GLYATL2: variants seen among roughly 807,000 people sequenced by gnomAD.
GLYATL2 encodes the protein glycine-N-acyltransferase like 2.
In GLYATL2, 25 loss-of-function variants were observed where a neutral mutation model predicts 21.4. That is an observed-to-expected ratio of 1.17 (90% CI 0.85 to 1.63). GLYATL2 has a LOEUF of 1.63. Among genes scored for constraint, GLYATL2 ranks in the 40% most tolerant of loss-of-function variants. The pLI, the probability that GLYATL2 is intolerant of heterozygous loss-of-function variation, is 0.00. For missense variants in GLYATL2, 361 were observed against 343.3 expected (o/e 1.05, Z -0.41); for synonymous variants, 114 against 118.2 (o/e 0.96, Z 0.23).
chr11:58,878,807 G>T (rs1224617685), intron 1 of GLYATL2, among the ~76,000 whole-genome samples: 1 of 152,202 alleles, frequency 6.6e-6, no homozygotes, highest in Non-Finnish European at 1.5e-5. Context: ...AGGCAGTGAA[G>T]TCTTACAGAA....
chr11:58,874,638 A>T (rs1854192117), intron 1 of GLYATL2, among the ~76,000 whole-genome samples: 1 of 152,184 alleles, frequency 6.6e-6, no homozygotes, highest in African/African-American at 2.4e-5. Context: ...GTTTGATTGC[A>T]CTGTGGTCTG....
intron 1 of GLYATL2, among the ~76,000 whole-genome samples, chr11:58,880,058 C>T (rs1246845636): frequency 2.0e-5 from 3 of 152,050 alleles, no homozygotes; most frequent in Admixed American, 1.3e-4. Flanking sequence ...CGGGGTTTCA[C>T]CATGTTAGCC....
At chr11:58,866,751 A>C (rs1286585476) in intron 1 of GLYATL2, among the ~76,000 whole-genome samples, 1 of 149,290 alleles carries the variant, frequency 6.7e-6, no homozygotes, top group African/African-American at 2.4e-5. Flanking sequence ...GAAGAGGTGC[A>C]CAGGCATCTA....
chr11:58,869,640 A>C (rs1451841115), intron 1 of GLYATL2, among the ~76,000 whole-genome samples: 1 of 152,196 alleles, frequency 6.6e-6, no homozygotes, highest in Non-Finnish European at 1.5e-5. Flanking sequence ...GTGTTACCTT[A>C]TATGTTGTGA....
rs1258972635 is a variant in GLYATL2, at chr11:58,840,848, A to AATAAAATAAAATAAAAT, written c.-40-1213_-40-1197dup. On this transcript the variant is annotated intron_variant, in intron 1 of 5. Transcript: ENST00000287275. ...TGTGAGACTCTATCTCAAAAAATAA[A>AATAAAATAAAATAAAAT]ATAAAATAAAATAAAATAAAATAAA... 2.8e-5 allele frequency: 4 copies of AATAAAATAAAATAAAAT among 141,874 alleles called. No individual in the cohort carries two copies. In the East Asian group the frequency reaches 8.8e-4, roughly 31 times the overall value. The allele number at this position is 141,874 out of a possible 1,614,324, so 8.8% of individuals were successfully genotyped here. A position where few individuals can be genotyped will look rare whatever the true frequency, so the allele number is the denominator to read the frequency against.
chr11:58,909,245 G>A, the GLYATL2 span, among the ~76,000 whole-genome samples: 2 of 152,150 alleles, frequency 1.3e-5, no homozygotes, highest in Non-Finnish European at 2.9e-5. Flanking sequence ...TGGGAAGAGA[G>A]GAAAACAGAG....
chr11:58,834,239 T>A lies in GLYATL2; in HGVS notation c.*190A>T, dbSNP rs185933179. On this transcript the variant is annotated 3_prime_UTR_variant, in exon 6 of 6. Coordinates refer to ENST00000287275, the MANE Select transcript of GLYATL2 (RefSeq NM_145016.4). The stretch of plus-strand genomic sequence containing the variant: ...TGTCATAAAGGAAATTATGAGACCA[T>A]AAAATTGAGCTTCTAATTTTCTGTA... 2.3e-6 allele frequency: 1 copy of A among 439,760 alleles called. No homozygotes were observed. The allele number at this position is 439,760 out of a possible 1,614,324, so 27.2% of individuals were successfully genotyped here.
At chr11:58,841,760 T>G (rs1251759911) in intron 1 of GLYATL2, among the ~76,000 whole-genome samples, 8 of 152,282 alleles carry the variant, frequency 5.3e-5, no homozygotes, top group African/African-American at 1.2e-4. Flanking sequence ...GGTAGCATAT[T>G]CCACAAAGGA....
chr11:58,877,737 G>A (rs1854263308), intron 1 of GLYATL2, among the ~76,000 whole-genome samples: 1 of 152,144 alleles, frequency 6.6e-6, no homozygotes, highest in Admixed American at 6.5e-5. Context: ...TCAGTAGAAT[G>A]GTAGCAGCAA....
chr11:58,869,548 A>C (rs61889944), intron 1 of GLYATL2, among the ~76,000 whole-genome samples: 22,493 of 152,134 alleles, frequency 0.15, 1,816 homozygotes, highest in African/African-American at 0.2. Flanking sequence ...CTGTATTACT[A>C]TCTCGTGGCT....
intron 1 of GLYATL2, among the ~76,000 whole-genome samples, chr11:58,902,572 T>A (rs571453383): frequency 9.5e-4 from 144 of 152,240 alleles, no homozygotes; most frequent in Middle Eastern, 3.4e-3. Flanking sequence ...CATGAAGGAA[T>A]CCCTTTCCAT....
chr11:58,846,889 C>A (rs1346013803), upstream of GLYATL2, among the ~76,000 whole-genome samples: 6 of 152,026 alleles, frequency 3.9e-5, no homozygotes, highest in Non-Finnish European at 2.9e-5. Context: ...TCACCTCTTC[C>A]CTAACCCCAG....
At chr11:58,850,961 TAA>T (rs1410826866) in intron 1 of GLYATL2, among the ~76,000 whole-genome samples, 2 of 152,200 alleles carry the variant, frequency 1.3e-5, no homozygotes, top group Non-Finnish European at 2.9e-5. Context: ...GTGAAAGTAT[TAA>T]AGTCTTTGAT....
At chr11:58,859,525 T>A (rs1470349357) in intron 1 of GLYATL2, among the ~76,000 whole-genome samples, 1 of 152,186 alleles carries the variant, frequency 6.6e-6, no homozygotes, top group African/African-American at 2.4e-5. Flanking sequence ...TAACCTCTTT[T>A]CAGATGTATG....
chr11:58,873,141 C>G (rs914985373), intron 1 of GLYATL2, among the ~76,000 whole-genome samples: 37 of 150,496 alleles, frequency 2.5e-4, no homozygotes, highest in African/African-American at 9.0e-4. Context: ...ATTTTGTATC[C>G]TGAGACTTTG....
At chr11:58,902,424 T>C (rs147121077) in intron 1 of GLYATL2, among the ~76,000 whole-genome samples, 2 of 152,164 alleles carry the variant, frequency 1.3e-5, no homozygotes, top group African/African-American at 4.8e-5. Context: ...CAAGTCCAAA[T>C]ATAAATCTCA....
At chr11:58,872,910 C>T (rs1430545168) in intron 1 of GLYATL2, among the ~76,000 whole-genome samples, 1 of 152,192 alleles carries the variant, frequency 6.6e-6, no homozygotes, top group Admixed American at 6.5e-5. Context: ...ATTGTCCCTA[C>T]CCATTAGCAT....
At chr11:58,860,543 A>C (rs1853912734) in intron 1 of GLYATL2, among the ~76,000 whole-genome samples, 1 of 152,126 alleles carries the variant, frequency 6.6e-6, no homozygotes, top group South Asian at 2.1e-4. Flanking sequence ...TGCTATATGC[A>C]AACAGGAATA....
chr11:58,847,074 C>G (rs1171855002), upstream of GLYATL2, among the ~76,000 whole-genome samples: 1 of 152,120 alleles, frequency 6.6e-6, no homozygotes, highest in Non-Finnish European at 1.5e-5. Flanking sequence ...GACAACATTT[C>G]TAGACATTTG....
Sources: gnomAD v4.1 joint callset for allele counts (sites outside exome capture counted in the v4.1 genomes callset) on GRCh38, gnomAD v4.1.1 for gene constraint, MANE v1.5 for transcripts, NCBI Gene and HGNC (gene_info 2026-07-23, HGNC 2026-07-21) for gene names.